DRC9: variants seen among roughly 807,000 people sequenced by gnomAD.
The protein encoded by DRC9 is dynein regulatory complex subunit 9.
chr3:197,930,180 C>T, the DRC9 span, among the ~76,000 whole-genome samples: 1 of 151,696 alleles, frequency 6.6e-6, no homozygotes, highest in African/African-American at 2.4e-5. Context: ...CATGGCAAAA[C>T]CCCATCTCTA....
At chr3:197,956,756 A>C in the DRC9 span, 1 of 151,844 alleles carries the variant, frequency 6.6e-6, no homozygotes, top group African/African-American at 2.4e-5. Context: ...CAGCCTCCTA[A>C]ATAGCTGGGG....
At chr3:197,955,273 C>CTT in the DRC9 span, among the ~76,000 whole-genome samples, 7 of 143,880 alleles carry the variant, frequency 4.9e-5, no homozygotes, top group African/African-American at 1.3e-4. Context: ...TTTTCTTTTT[C>CTT]TTTTTTTTTT....
chr3:197,934,202 A>ATTTTTTTTTTTTTTTT, the DRC9 span, among the ~76,000 whole-genome samples: 1 of 48,972 alleles, frequency 2.0e-5, no homozygotes, highest in Admixed American at 1.8e-4. Context: ...TTTTTTTTTG[A>ATTTTTTTTTTTTTTTT]GACAAGAGTG....
the DRC9 span, chr3:197,958,814 GT>G: frequency 1.3e-5 from 2 of 152,246 alleles, no homozygotes; most frequent in Non-Finnish European, 2.9e-5. Context: ...TGGAAATTAA[GT>G]CAAAAGTACT....
the DRC9 span, among the ~76,000 whole-genome samples, chr3:197,925,150 AG>A: frequency 6.7e-6 from 1 of 149,966 alleles, no homozygotes; most frequent in Non-Finnish European, 1.5e-5. Context: ...GCCTGAGACA[AG>A]GCCCCCTGTG....
At chr3:197,944,101 T>C in the DRC9 span, 3 of 1,542,032 alleles carry the variant, frequency 1.9e-6, no homozygotes. Context: ...ATTTAAACAT[T>C]ACTTTAACTC....
the DRC9 span, among the ~76,000 whole-genome samples, chr3:197,943,500 G>A: frequency 2.6e-5 from 4 of 151,988 alleles, no homozygotes; most frequent in African/African-American, 7.3e-5. Flanking sequence ...TTAGCTGGGT[G>A]TGGTAGTGCA....
the DRC9 span, among the ~76,000 whole-genome samples, chr3:197,952,816 A>G: frequency 5.9e-5 from 9 of 151,902 alleles, no homozygotes; most frequent in South Asian, 1.7e-3. Flanking sequence ...ATGCATGCCT[A>G]AAGATGTTTA....
chr3:197,889,473 G>A, the DRC9 span: 1 of 1,307,856 alleles, frequency 7.6e-7, no homozygotes. Context: ...GTCTCAATAG[G>A]AAACAACCTG....
At chr3:197,889,443 AATC>A in the DRC9 span, 1 of 996,936 alleles carries the variant, frequency 1.0e-6, no homozygotes, top group Non-Finnish European at 1.5e-6. Context: ...GGCAAAGTGA[AATC>A]AGGCTTCCCT....
the DRC9 span, among the ~76,000 whole-genome samples, chr3:197,915,379 G>GT: frequency 1.3e-5 from 2 of 152,142 alleles, no homozygotes; most frequent in South Asian, 4.1e-4. Context: ...TTGGAGGTCG[G>GT]TAAGGGCACC....
the DRC9 span, chr3:197,953,492 GATTAACCC>G: frequency 2.2e-6 from 1 of 456,838 alleles, no homozygotes; most frequent in Non-Finnish European, 4.4e-6. Context: ...TCTCAGCTGG[GATTAACCC>G]CTTGGTGTCT....
At chr3:197,950,441 C>T in the DRC9 span, 1 of 703,542 alleles carries the variant, frequency 1.4e-6, no homozygotes, top group Non-Finnish European at 1.9e-6. Context: ...AGTTAAATTC[C>T]TGGGCCTGAA....
chr3:197,917,432 G>A, the DRC9 span, among the ~76,000 whole-genome samples: 1 of 152,150 alleles, frequency 6.6e-6, no homozygotes. Context: ...CAACTAGATC[G>A]GAATCATTCC....
At chr3:197,924,680 C>T in the DRC9 span, among the ~76,000 whole-genome samples, 6 of 152,252 alleles carry the variant, frequency 3.9e-5, no homozygotes, top group East Asian at 1.9e-4. Context: ...CCACCACACC[C>T]GGCTAATTTT....
the DRC9 span, among the ~76,000 whole-genome samples, chr3:197,952,836 CTTT>C: frequency 6.9e-6 from 1 of 144,208 alleles, no homozygotes; most frequent in Admixed American, 6.9e-5. Flanking sequence ...ATGCTGTAGA[CTTT>C]TTTTTTTTTT....
At chr3:197,909,401 A>T in the DRC9 span, among the ~76,000 whole-genome samples, 4 of 152,242 alleles carry the variant, frequency 2.6e-5, no homozygotes, top group African/African-American at 9.6e-5. Flanking sequence ...AAATGAATCC[A>T]CTGAAAAACC....
At chr3:197,949,919 G>C in the DRC9 span, 5 of 406,972 alleles carry the variant, frequency 1.2e-5, no homozygotes, top group Non-Finnish European at 2.1e-5. Context: ...GACGCAGGAA[G>C]TAAACTAAGT....
chr3:197,905,181 G>A, the DRC9 span, among the ~76,000 whole-genome samples: 33 of 152,092 alleles, frequency 2.2e-4, no homozygotes, highest in African/African-American at 8.0e-4. Flanking sequence ...AAAACAGGGC[G>A]ACCATAGTCA....
Sources: allele counts gnomAD v4.1 joint callset (sites outside exome capture counted in the v4.1 genomes callset), GRCh38; gene constraint gnomAD v4.1.1; transcripts MANE v1.5; gene names NCBI Gene and HGNC (gene_info 2026-07-23, HGNC 2026-07-21).